The following TRPM1 variants were observed in gnomAD, a reference collection of about 807,000 sequenced individuals.
TRPM1 encodes TRPM1-203 APA Isoform, Intron 10.
A neutral mutation model predicts 149.4 loss-of-function variants in TRPM1; 113 were observed. The observed-to-expected ratio is 0.76, with a 90% CI of 0.65 to 0.88. The LOEUF is 0.88. Among genes scored for constraint, TRPM1 ranks in the 40% least tolerant of loss-of-function variants. TRPM1 has a pLI of 0.00. For missense variants in TRPM1, 1,976 were observed against 2,038.7 expected (o/e 0.97, Z 0.59); for synonymous variants, 741 against 759.5 (o/e 0.98, Z 0.40).
intron 1 of TRPM1, among the ~76,000 whole-genome samples, chr15:31,084,067 G>C (rs577201052): frequency 6.6e-6 from 1 of 152,110 alleles, no homozygotes; most frequent in African/African-American, 2.4e-5. Context: ...CTTTCCTCCG[G>C]GTTTCTAGCC....
At chr15:31,094,959 C>T (rs942216643) in intron 1 of TRPM1, among the ~76,000 whole-genome samples, 3 of 152,238 alleles carry the variant, frequency 2.0e-5, no homozygotes, top group Non-Finnish European at 4.4e-5. Context: ...GTGGCCATAG[C>T]TCACATGTCC....
chr15:31,097,289 C>A (rs1481960627), intron 1 of TRPM1, among the ~76,000 whole-genome samples: 3 of 130,738 alleles, frequency 2.3e-5, no homozygotes, highest in African/African-American at 8.8e-5. Context: ...ACCCTTTGGG[C>A]CATGGAACTG....
intron 1 of TRPM1, among the ~76,000 whole-genome samples, chr15:31,096,057 A>C (rs1027669396): frequency 9.1e-6 from 1 of 109,910 alleles, no homozygotes; most frequent in African/African-American, 4.0e-5. Context: ...AAAAAAATAA[A>C]AATAAAAATA....
intron 1 of TRPM1, among the ~76,000 whole-genome samples, chr15:31,113,603 A>G (rs2338857): frequency 6.6e-6 from 1 of 152,306 alleles, no homozygotes; most frequent in South Asian, 2.1e-4. Context: ...TTGTTACACA[A>G]GTAAACTTGT....
intron 11 of TRPM1, among the ~76,000 whole-genome samples, chr15:31,058,123 G>A (rs1303665305): frequency 6.6e-6 from 1 of 151,554 alleles, no homozygotes; most frequent in Non-Finnish European, 1.5e-5. Flanking sequence ...AGTGTACATA[G>A]GCAGGTACCA....
chr15:31,161,064 C>T (rs953598862), exon 1 of TRPM1: 9 of 1,164,590 alleles, frequency 7.7e-6, no homozygotes, highest in African/African-American at 4.5e-5. Context: ...GCCACACACT[C>T]GGCGGCAGCC....
intron 1 of TRPM1, among the ~76,000 whole-genome samples, chr15:31,151,893 C>G (rs145795632): frequency 1.1e-4 from 17 of 152,336 alleles, no homozygotes; most frequent in African/African-American, 4.1e-4. Flanking sequence ...TGTGCAGGAA[C>G]CAGGCAAGTG....
intron 1 of TRPM1, among the ~76,000 whole-genome samples, chr15:31,085,891 C>G (rs992886813): frequency 6.6e-6 from 1 of 152,140 alleles, no homozygotes; most frequent in Non-Finnish European, 1.5e-5. Flanking sequence ...AGAAAAGATA[C>G]CCTGGACCCG....
intron 1 of TRPM1, among the ~76,000 whole-genome samples, chr15:31,096,466 C>A (rs2035388313): frequency 2.0e-5 from 3 of 152,206 alleles, no homozygotes; most frequent in African/African-American, 7.2e-5. Flanking sequence ...TGTCTGGGAA[C>A]CTGAGGATTC....
At chr15:31,061,714 C>G (rs527499505) in intron 9 of TRPM1, among the ~76,000 whole-genome samples, 200 bp from the exon 10 acceptor site, 25 of 145,108 alleles carry the variant, frequency 1.7e-4, no homozygotes, top group African/African-American at 6.2e-4. Flanking sequence ...GATGGAGTTT[C>G]GCTCTTGTCG....
chr15:31,158,654 G>C (rs554120919), intron 1 of TRPM1, among the ~76,000 whole-genome samples: 1 of 143,320 alleles, frequency 7.0e-6, no homozygotes, highest in South Asian at 2.2e-4. Context: ...AAAGAGTAAA[G>C]TAGTGAAAGA....
At chr15:31,010,340 T>C (rs2032139911) in intron 27 of TRPM1, among the ~76,000 whole-genome samples, 1 of 152,224 alleles carries the variant, frequency 6.6e-6, no homozygotes, top group Admixed American at 6.5e-5. Flanking sequence ...GGGACCTTGG[T>C]AGCAGTCTGG....
intron 15 of TRPM1, among the ~76,000 whole-genome samples, chr15:31,046,659 G>T (rs927531789): frequency 6.6e-6 from 1 of 152,186 alleles, no homozygotes; most frequent in Non-Finnish European, 1.5e-5. Flanking sequence ...TTTGGTGCAG[G>T]TATGTGGTCT....
chr15:31,072,012 T>TAGAGAGAGAGAG (rs1267389114), intron 3 of TRPM1, among the ~76,000 whole-genome samples: 3 of 28,496 alleles, frequency 1.1e-4, no homozygotes, highest in African/African-American at 3.5e-4. Flanking sequence ...TATATATATA[T>TAGAGAGAGAGAG]ATATATAGAG....
chr15:31,066,054 G>A, intron 7 of TRPM1, 22 bp downstream of exon 7: 1 of 1,612,096 alleles, frequency 6.2e-7, no homozygotes, highest in Non-Finnish European at 8.5e-7. Context: ...CAGGAGGACT[G>A]CGTGCCTTTG....
chr15:31,108,675 G>A (rs574655706), intron 1 of TRPM1, among the ~76,000 whole-genome samples: 1 of 152,192 alleles, frequency 6.6e-6, no homozygotes, highest in East Asian at 1.9e-4. Flanking sequence ...GTATATTTTA[G>A]TGGAGACAGC....
At chr15:31,151,184 G>C (rs906315979) in intron 1 of TRPM1, among the ~76,000 whole-genome samples, 1 of 152,096 alleles carries the variant, frequency 6.6e-6, no homozygotes, top group East Asian at 1.9e-4. Flanking sequence ...AACTCCAGGC[G>C]ATACCTCACA....
intron 11 of TRPM1, chr15:31,060,306 A>G (rs1001495297): frequency 2.6e-5 from 15 of 582,304 alleles, no homozygotes; most frequent in Non-Finnish European, 4.6e-5. Context: ...TTCATCAGCA[A>G]CGATAAAATA....
At chr15:31,106,783 G>C (rs146138917) in intron 1 of TRPM1, among the ~76,000 whole-genome samples, 1 of 152,126 alleles carries the variant, frequency 6.6e-6, no homozygotes. Context: ...GTAATCTTTA[G>C]GCTAGATTCC....
Sources: gnomAD v4.1 joint callset for allele counts (sites outside exome capture counted in the v4.1 genomes callset) on GRCh38, gnomAD v4.1.1 for gene constraint, MANE v1.5 for transcripts, NCBI Gene and HGNC (gene_info 2026-07-23, HGNC 2026-07-21) for gene names.